Variants in SLIT2 observed in about 807,000 individuals in gnomAD.
SLIT2 encodes slit guidance ligand 2.
SLIT2 carries 41 observed loss-of-function variants against 185.7 expected under a neutral mutation model. That is an observed-to-expected ratio of 0.22 (90% CI 0.17 to 0.29). The LOEUF is 0.29. SLIT2 is among the 10% of genes least tolerant of loss of function. SLIT2 has a pLI of 1.00. For synonymous variants in SLIT2, 693 were observed against 680.2 expected, an observed-to-expected ratio of 1.02 and a Z score of -0.29; for missense variants, 1,571 against 1,909.0, an observed-to-expected ratio of 0.82 and a Z score of 3.30.
intron 4 of SLIT2, among the ~76,000 whole-genome samples, chr4:20,375,527 G>T (rs1474236348): frequency 6.6e-6 from 1 of 152,020 alleles, no homozygotes; most frequent in Non-Finnish European, 1.5e-5. Context: ...CACTTGAAGA[G>T]CAAGGGTTAG....
At chr4:20,613,377 C>T (rs974973284) in intron 34 of SLIT2, among the ~76,000 whole-genome samples, 2 of 152,142 alleles carry the variant, frequency 1.3e-5, no homozygotes, top group African/African-American at 4.8e-5. Flanking sequence ...AGCTGGAGGC[C>T]ATTATCCTTA....
At chr4:20,354,904 T>TGAGAGA (rs1227961659) in intron 4 of SLIT2, among the ~76,000 whole-genome samples, 10 of 63,288 alleles carry the variant, frequency 1.6e-4, no homozygotes, top group South Asian at 6.5e-4. Flanking sequence ...TGTGTGTGTG[T>TGAGAGA]GTGAGAGAGA....
At chr4:20,476,176 T>A (rs1460081771) in intron 5 of SLIT2, among the ~76,000 whole-genome samples, 1 of 152,182 alleles carries the variant, frequency 6.6e-6, no homozygotes, top group Non-Finnish European at 1.5e-5. Flanking sequence ...GGGGCTACTC[T>A]TTAAAAGCAT....
intron 21 of SLIT2, among the ~76,000 whole-genome samples, chr4:20,544,879 C>T (rs1336373198): frequency 6.6e-6 from 1 of 151,846 alleles, no homozygotes; most frequent in Non-Finnish European, 1.5e-5. Context: ...ATGCTTCCCT[C>T]TAGTGGTATC....
chr4:20,454,316 G>A (rs1003970507), intron 4 of SLIT2, among the ~76,000 whole-genome samples: 6 of 152,062 alleles, frequency 3.9e-5, no homozygotes, highest in African/African-American at 7.2e-5. Context: ...CTGTTATTAG[G>A]ATCTTCAAAT....
intron 36 of SLIT2, among the ~76,000 whole-genome samples, chr4:20,617,932 G>A (rs1729809074): frequency 6.6e-6 from 1 of 152,124 alleles, no homozygotes; most frequent in Non-Finnish European, 1.5e-5. Flanking sequence ...TTGATTTGTT[G>A]TAAAAGAAAT....
chr4:20,354,780 A>G (rs1008011318), intron 4 of SLIT2, among the ~76,000 whole-genome samples: 1 of 152,064 alleles, frequency 6.6e-6, no homozygotes, highest in Non-Finnish European at 1.5e-5. Flanking sequence ...AAATCTAATT[A>G]TATATTGTCA....
intron 9 of SLIT2, among the ~76,000 whole-genome samples, chr4:20,505,605 G>T (rs1451016369): frequency 1.3e-5 from 2 of 152,000 alleles, no homozygotes; most frequent in Non-Finnish European, 2.9e-5. Flanking sequence ...TGCATGTTGT[G>T]TAGTCTACTT....
Position 20,568,919 on chromosome 4 carries a change from T to C in SLIT2, c.3003T>C (p.Asp1001=). ...EGENCEVNVD[D]CEDNDCENNS... is the part of the protein sequence containing the mutation. Reference sequence around the variant, plus strand: ...AAAATTGTGAAGTCAACGTTGATGATTGTGAAGATAATGACTGTGAAAATA... The same window carrying C: ...AAAATTGTGAAGTCAACGTTGATGACTGTGAAGATAATGACTGTGAAAATA... Residue 1001 remains aspartate, a synonymous_variant, in exon 29 of 37, where the codon GAT becomes GAC. Coordinates refer to ENST00000504154, the MANE Select transcript of SLIT2 (RefSeq NM_004787.4). 6.2e-7 allele frequency: 1 copy of C among 1,612,240 alleles called. No homozygotes were observed.
chr4:20,616,963 G>A lies in SLIT2; in HGVS notation c.3901G>A (p.Gly1301Arg), dbSNP rs751793597. The change falls in exon 35 of 37, where the codon GGA becomes AGA. Residue 1301 changes from glycine (G) to arginine (R), a missense_variant. Physicochemically the swap from Gly to Arg is moderately radical, Grantham distance 125. Around this residue, in one of 3 missense-constraint regions of SLIT2, gnomAD observed 146 missense variants for 247.4 expected, o/e 0.59. Coordinates refer to ENST00000504154, the MANE Select transcript of SLIT2 (RefSeq NM_004787.4). ...TCTGCGCCAGGCCCCTGGGCAGAACGGAACCAGCTTCCACGGCTGCATCCG... is the reference window on the plus strand; with the variant it reads ...TCTGCGCCAGGCCCCTGGGCAGAACAGAACCAGCTTCCACGGCTGCATCCG... ...ASLRQAPGQN[G>R]TSFHGCIRNL... The A allele has an allele frequency of 3.1e-6, 5 of 1,613,824 alleles. No individual in the cohort carries two copies. The highest frequency in any genetic ancestry group is 1.1e-5 in the South Asian group (1 of 91,074).
chr4:20,340,890 C>T lies in SLIT2; in HGVS notation c.395+72009C>T, dbSNP rs144801934. On this transcript the variant is annotated intron_variant, in intron 4 of 36. Transcript: ENST00000504154. ...TGCTGGGATTACAGGCGTGAGCCAC[C>T]GTGCCCGGCCAATAAATTTTGTAAT... Among the ~76,000 whole-genome samples the T allele has an allele frequency of 7.3e-3, 1,106 of 152,242 alleles. 22 individuals carry two copies. The highest frequency in any genetic ancestry group is 0.025 in the African/African-American group (1,023 of 41,530).
intron 24 of SLIT2, 103 bp from the exon 25 acceptor site, chr4:20,550,724 C>T: frequency 3.2e-6 from 2 of 623,556 alleles, no homozygotes; most frequent in Admixed American, 2.9e-5. Context: ...GTCTTTTCTG[C>T]ACTCATTTAA....
chr4:20,428,461 T>C (rs1728722745), intron 4 of SLIT2, among the ~76,000 whole-genome samples: 1 of 152,180 alleles, frequency 6.6e-6, no homozygotes, highest in Non-Finnish European at 1.5e-5. Flanking sequence ...TTTTTGTTAT[T>C]GTGAACTAAG....
chr4:20,609,605 G>A (rs1729052778), intron 33 of SLIT2, among the ~76,000 whole-genome samples: 1 of 152,132 alleles, frequency 6.6e-6, no homozygotes, highest in Admixed American at 6.5e-5. Context: ...CGATGTGTTA[G>A]GGTGTTTTTG....
intron 7 of SLIT2, among the ~76,000 whole-genome samples, chr4:20,486,574 A>C (rs1388189355): frequency 6.6e-6 from 1 of 152,152 alleles, no homozygotes; most frequent in East Asian, 1.9e-4. Flanking sequence ...GGCTGTCAGA[A>C]ATGATAAATG....
intron 5 of SLIT2, among the ~76,000 whole-genome samples, chr4:20,472,425 TAG>T (rs1209818738): frequency 1.5e-5 from 1 of 65,224 alleles, no homozygotes; most frequent in Non-Finnish European, 2.9e-5. Flanking sequence ...TCTATATATA[TAG>T]ATATCTATAG....
intron 4 of SLIT2, among the ~76,000 whole-genome samples, chr4:20,304,015 T>G (rs1187001380): frequency 2.6e-5 from 4 of 152,184 alleles, no homozygotes; most frequent in African/African-American, 9.7e-5. Flanking sequence ...TTGAGACATG[T>G]TGAAATCTGT....
At chr4:20,427,481 G>A (rs937999853) in intron 4 of SLIT2, among the ~76,000 whole-genome samples, 1 of 152,114 alleles carries the variant, frequency 6.6e-6, no homozygotes, top group Non-Finnish European at 1.5e-5. Context: ...TCTAAAAGTT[G>A]AAAGCATATG....
chr4:20,463,957 G>A (rs189896957), intron 4 of SLIT2, among the ~76,000 whole-genome samples: 1 of 151,586 alleles, frequency 6.6e-6, no homozygotes, highest in Non-Finnish European at 1.5e-5. Flanking sequence ...CTTCATTAAT[G>A]GTCCTCTCAT....
Sources: gnomAD v4.1 joint callset for allele counts (sites outside exome capture counted in the v4.1 genomes callset) on GRCh38, gnomAD v4.1.1 for gene constraint, gnomAD v4.1.1 regional missense constraint, MANE v1.5 for transcripts, NCBI Gene and HGNC (gene_info 2026-07-23, HGNC 2026-07-21) for gene names.